The following GNAQ variants were observed in gnomAD, a reference collection of about 807,000 sequenced individuals.
The protein encoded by GNAQ is guanine nucleotide-binding protein G(q) subunit alpha.
Under a neutral mutation model 43.9 loss-of-function variants are expected in GNAQ, and 8 were observed. The observed-to-expected ratio is 0.18, with a 90% CI of 0.11 to 0.33. The LOEUF is 0.33. Ranked by LOEUF, GNAQ falls within the 10% of genes least tolerant of loss-of-function variation. The pLI is 1.00. For missense variants in GNAQ, 158 were observed against 450.8 expected, an observed-to-expected ratio of 0.35 and a Z score of 5.88; for synonymous variants, 155 against 170.7, an observed-to-expected ratio of 0.91 and a Z score of 0.71.
intron 1 of GNAQ, among the ~76,000 whole-genome samples, chr9:78,009,758 T>C (rs1362875453): frequency 1.3e-5 from 2 of 152,066 alleles, no homozygotes; most frequent in South Asian, 2.1e-4. Context: ...ATGAATCTGA[T>C]CTTGGAAGGA....
At chr9:77,797,182 G>A (rs994595904) in intron 4 of GNAQ, among the ~76,000 whole-genome samples, 2 of 151,936 alleles carry the variant, frequency 1.3e-5, no homozygotes, top group African/African-American at 2.4e-5. Flanking sequence ...ACAGGTGCCC[G>A]CCAGCATGCC....
At chr9:77,770,397 A>G (rs1015907916) in intron 5 of GNAQ, among the ~76,000 whole-genome samples, 3 of 152,216 alleles carry the variant, frequency 2.0e-5, no homozygotes, top group African/African-American at 4.8e-5. Flanking sequence ...CAAGACCCCA[A>G]AAAACACAAT....
chr9:77,760,526 T>A (rs1381119275), intron 5 of GNAQ, among the ~76,000 whole-genome samples: 1 of 152,146 alleles, frequency 6.6e-6, no homozygotes, highest in East Asian at 1.9e-4. Context: ...GTGCCCAAGA[T>A]GGAGTGCAGT....
chr9:78,014,351 G>A (rs942359546), intron 1 of GNAQ, among the ~76,000 whole-genome samples: 4 of 152,122 alleles, frequency 2.6e-5, no homozygotes, highest in African/African-American at 7.2e-5. Context: ...TAGGCCAGGC[G>A]TGGTGGCTCA....
intron 2 of GNAQ, among the ~76,000 whole-genome samples, chr9:77,835,126 G>C (rs949284750): frequency 6.6e-6 from 1 of 152,044 alleles, no homozygotes; most frequent in African/African-American, 2.4e-5. Context: ...CCCTGGGCAG[G>C]GTGAGGTGGG....
chr9:77,854,742 A>C (rs1827724715), intron 2 of GNAQ, among the ~76,000 whole-genome samples: 2 of 152,202 alleles, frequency 1.3e-5, no homozygotes, highest in African/African-American at 4.8e-5. Context: ...CAGTGTACCT[A>C]ATGCAATCTA....
intron 5 of GNAQ, among the ~76,000 whole-genome samples, chr9:77,735,608 T>G (rs574320621): frequency 8.1e-4 from 124 of 152,334 alleles, no homozygotes; most frequent in African/African-American, 2.8e-3. Flanking sequence ...AGGATCACAT[T>G]GTTATGTGTC....
At chr9:77,929,167 A>G (rs1829112082) in intron 1 of GNAQ, among the ~76,000 whole-genome samples, 1 of 152,222 alleles carries the variant, frequency 6.6e-6, no homozygotes, top group Non-Finnish European at 1.5e-5. Flanking sequence ...CTTTGAGCCA[A>G]TCTGCTCAAC....
chr9:77,997,143 C>T (rs534136937), intron 1 of GNAQ, among the ~76,000 whole-genome samples: 4 of 152,316 alleles, frequency 2.6e-5, no homozygotes, highest in East Asian at 1.9e-4. Flanking sequence ...CTAGGTGATG[C>T]GCATGCCCAT....
At chr9:77,759,706 T>C (rs956228064) in intron 5 of GNAQ, among the ~76,000 whole-genome samples, 4 of 152,070 alleles carry the variant, frequency 2.6e-5, no homozygotes, top group Admixed American at 6.5e-5. Context: ...AACAGAGATA[T>C]TCTGTTGATA....
chr9:77,879,470 A>G (rs7860090), intron 2 of GNAQ, among the ~76,000 whole-genome samples: 115,185 of 152,016 alleles, frequency 0.76, 43,770 homozygotes, highest in Admixed American at 0.83. Context: ...CGTTGGCCTC[A>G]AACTCCTGAC....
intron 5 of GNAQ, among the ~76,000 whole-genome samples, chr9:77,762,212 C>T (rs1826047022): frequency 7.2e-6 from 1 of 139,472 alleles, no homozygotes; most frequent in Admixed American, 6.9e-5. Context: ...GTGAGGAGCC[C>T]CTCTGCCCGG....
At chr9:77,806,702 G>C (rs1826835711) in intron 3 of GNAQ, among the ~76,000 whole-genome samples, 1 of 152,044 alleles carries the variant, frequency 6.6e-6, no homozygotes, top group South Asian at 2.1e-4. Flanking sequence ...AATTAGGAAA[G>C]GTACAGAACT....
At chr9:77,912,085 C>A (rs1249777015) in intron 2 of GNAQ, among the ~76,000 whole-genome samples, 1 of 152,180 alleles carries the variant, frequency 6.6e-6, no homozygotes, top group East Asian at 1.9e-4. Flanking sequence ...GGAATAAATT[C>A]AGCTCTTGTG....
At position 77,728,541 on chromosome 9, in the gene GNAQ, G is replaced by C; in HGVS notation, c.862C>G (p.Leu288Val). ...LLEEKIMYSHLVDYFPEYDGP... is the reference protein window; with the variant it reads ...LLEEKIMYSHVVDYFPEYDGP... The stretch of plus-strand genomic sequence containing the variant: ...TCATATTCTGGGAAGTAGTCGACTA[G>C]ATGGGAATACATGATTTTCTCCTCT... The change falls in exon 6 of 7, where the codon CTA becomes GTA. Residue 288 changes from leucine (L) to valine (V), a missense_variant. By Grantham distance (32) the Leu-to-Val change is conservative (BLOSUM62 1). Around this residue, in one of 9 missense-constraint regions of GNAQ, gnomAD observed 56 missense variants for 172.2 expected, o/e 0.33. Coordinates refer to ENST00000286548, the MANE Select transcript of GNAQ (RefSeq NM_002072.5). The C allele has an allele frequency of 2.5e-6, 4 of 1,604,908 alleles. No individual in the cohort carries two copies. The highest frequency in any genetic ancestry group is 3.4e-6 in the Non-Finnish European group (4 of 1,172,604).
intron 6 of GNAQ, 32 bp from the exon 7 acceptor site, chr9:77,721,545 T>C: frequency 7.8e-7 from 1 of 1,282,960 alleles, no homozygotes; most frequent in Non-Finnish European, 1.1e-6. Context: ...GGACACTTTG[T>C]TACCTAATCT....
Position 77,718,643 on chromosome 9 carries a change from T to C in GNAQ, c.*2680A>G, listed in dbSNP as rs1174669101. Reference sequence around the variant, plus strand: ...TATAGCTCTATTAAATAGAATATCTTGATTCCCTAAAACTGTAACACTTAT... The same window carrying C: ...TATAGCTCTATTAAATAGAATATCTCGATTCCCTAAAACTGTAACACTTAT... On this transcript the variant is annotated 3_prime_UTR_variant, in exon 7 of 7. Transcript: ENST00000286548. The C allele has an allele frequency of 1.7e-5, 4 of 232,400 alleles. No homozygotes were observed. In the South Asian group the frequency reaches 5.4e-4, roughly 32 times the overall value. The allele number at this position is 232,400 out of a possible 1,614,324, so 14.4% of individuals were successfully genotyped here.
chr9:77,957,632 G>A (rs1298065139), intron 1 of GNAQ, among the ~76,000 whole-genome samples: 1 of 152,140 alleles, frequency 6.6e-6, no homozygotes, highest in Non-Finnish European at 1.5e-5. Context: ...AGTAATTTGA[G>A]TGAAAGAAAG....
chr9:77,933,382 C>A (rs1320435600), intron 1 of GNAQ, among the ~76,000 whole-genome samples: 1 of 152,202 alleles, frequency 6.6e-6, no homozygotes, highest in Non-Finnish European at 1.5e-5. Flanking sequence ...GTGGCATCAT[C>A]TGGCCAGGAG....
Sources: allele counts gnomAD v4.1 joint callset (sites outside exome capture counted in the v4.1 genomes callset), GRCh38; gene constraint gnomAD v4.1.1; regional missense constraint gnomAD v4.1.1; transcripts MANE v1.5; gene names NCBI Gene and HGNC (gene_info 2026-07-23, HGNC 2026-07-21).